The following STK32B variants were observed in gnomAD, a reference collection of about 807,000 sequenced individuals.
STK32B encodes serine/threonine-protein kinase 32B.
STK32B carries 43 observed loss-of-function variants against 52.6 expected under a neutral mutation model. The ratio of observed to expected loss-of-function variants is 0.82; its 90% CI spans 0.64 to 1.05. The LOEUF is 1.05. Among genes scored for constraint, STK32B ranks in the 50% least tolerant of loss-of-function variants. The pLI is 0.00. For synonymous variants in STK32B, 238 were observed against 204.3 expected (o/e 1.17, Z -1.41); for missense variants, 621 against 534.6 (o/e 1.16, Z -1.59).
At chr4:5,127,680 G>C (rs1383746334) in intron 1 of STK32B, among the ~76,000 whole-genome samples, 1 of 152,176 alleles carries the variant, frequency 6.6e-6, no homozygotes, top group African/African-American at 2.4e-5. Context: ...GGCCATGTGA[G>C]GACAGAGGCA....
chr4:5,167,413 T>C (rs1228040884), intron 2 of STK32B, among the ~76,000 whole-genome samples: 2 of 152,082 alleles, frequency 1.3e-5, no homozygotes, highest in African/African-American at 4.8e-5. Flanking sequence ...AGTAAAGTGC[T>C]CAATACAGGA....
intron 6 of STK32B, among the ~76,000 whole-genome samples, chr4:5,424,005 C>T (rs2526313): frequency 0.6 from 91,292 of 151,894 alleles, 28,624 homozygotes; most frequent in Middle Eastern, 0.77. Context: ...GGAAACCCCA[C>T]TCCCCCCGTA....
chr4:5,303,354 G>T (rs936797350), intron 3 of STK32B, among the ~76,000 whole-genome samples: 3 of 151,868 alleles, frequency 2.0e-5, no homozygotes, highest in South Asian at 4.2e-4. Context: ...ATTATTTTTT[G>T]ATTTTTTGAT....
intron 3 of STK32B, among the ~76,000 whole-genome samples, chr4:5,287,467 G>A (rs1201687330): frequency 2.0e-5 from 3 of 148,882 alleles, no homozygotes. Context: ...AGTTTAAGTC[G>A]ATGAATATAA....
chr4:5,173,639 T>G (rs908380194), intron 3 of STK32B, among the ~76,000 whole-genome samples: 1 of 152,242 alleles, frequency 6.6e-6, no homozygotes, highest in African/African-American at 2.4e-5. Context: ...AATCCTGAGT[T>G]CTAGTTTGAT....
intron 1 of STK32B, among the ~76,000 whole-genome samples, chr4:5,112,301 G>C (rs929635245): frequency 6.6e-6 from 1 of 152,128 alleles, no homozygotes; most frequent in South Asian, 2.1e-4. Context: ...TATAAAAAGA[G>C]ATTTATTATA....
chr4:5,485,495 T>G (rs1719085414), intron 11 of STK32B, among the ~76,000 whole-genome samples: 1 of 152,176 alleles, frequency 6.6e-6, no homozygotes, highest in African/African-American at 2.4e-5. Context: ...TCGTCTAATT[T>G]TTTTCAAGGT....
At chr4:5,055,849 A>G (rs185174898) in intron 1 of STK32B, among the ~76,000 whole-genome samples, 1 of 148,752 alleles carries the variant, frequency 6.7e-6, no homozygotes, top group East Asian at 2.1e-4. Context: ...TGTCATTCCA[A>G]ATCCTTTTCC....
At chr4:5,155,135 T>A in intron 2 of STK32B, among the ~76,000 whole-genome samples, 1 of 152,108 alleles carries the variant, frequency 6.6e-6, no homozygotes, top group East Asian at 1.9e-4. Flanking sequence ...CAGTCACCTT[T>A]CCCCCAGGTG....
chr4:5,331,078 C>T (rs1243643557), intron 3 of STK32B, 142 bp from the exon 4 acceptor site: 1 of 682,614 alleles, frequency 1.5e-6, no homozygotes, highest in Non-Finnish European at 2.3e-6. Flanking sequence ...CCCTTCCCCT[C>T]CACTCCCATA....
At chr4:5,290,183 C>G (rs182563261) in intron 3 of STK32B, among the ~76,000 whole-genome samples, 281 of 152,280 alleles carry the variant, frequency 1.8e-3, no homozygotes, top group African/African-American at 6.3e-3. Flanking sequence ...TCTTCCAAGG[C>G]TCACCTTGCT....
intron 9 of STK32B, among the ~76,000 whole-genome samples, chr4:5,461,839 G>A (rs1261518734): frequency 6.6e-6 from 1 of 152,208 alleles, no homozygotes; most frequent in Non-Finnish European, 1.5e-5. Flanking sequence ...TAACCTTAGG[G>A]AATCTGCCCG....
chr4:5,455,766 C>T (rs567388320), intron 7 of STK32B, among the ~76,000 whole-genome samples: 2 of 152,286 alleles, frequency 1.3e-5, no homozygotes, highest in East Asian at 3.9e-4. Flanking sequence ...CCCGAGAACA[C>T]AGAAATGAGC....
chr4:5,427,162 G>C (rs546862843), intron 6 of STK32B, among the ~76,000 whole-genome samples: 1 of 152,144 alleles, frequency 6.6e-6, no homozygotes, highest in Non-Finnish European at 1.5e-5. Context: ...ATAATCCTGT[G>C]GTTTCTCTTC....
At chr4:5,428,510 GA>G (rs1304029825) in intron 6 of STK32B, among the ~76,000 whole-genome samples, 2 of 152,170 alleles carry the variant, frequency 1.3e-5, no homozygotes, top group East Asian at 3.9e-4. Flanking sequence ...CATGATCAGA[GA>G]AAATATTTTG....
rs1344028655 is a variant in STK32B at position 5,380,386 on chromosome 4, C to T, written c.435-17821C>T. Among the ~76,000 whole-genome samples, 1 of 152,138 alleles carries T rather than the reference C, an allele frequency of 6.6e-6. No homozygotes were observed. Among genetic ancestry groups the T allele is most frequent in the East Asian group, 1.9e-4 (1 of 5,190 alleles). The stretch of plus-strand genomic sequence containing the variant: ...CCAGGCTTCTGCATTTAAAATTATA[C>T]TATGAAATAGAAGAGCATTACTCTG... On this transcript the variant is annotated intron_variant, in intron 4 of 11. Coordinates refer to ENST00000282908, the MANE Select transcript of STK32B (RefSeq NM_018401.3). This position sits in a 1 kb window ranked among gnomAD's most constrained non-coding sequence, Gnocchi z 4.3.
In STK32B at chr4:5,338,656, T is replaced by G. The variant is rs142213556; in HGVS notation, c.434+7263T>G. On this transcript the variant is annotated intron_variant, in intron 4 of 11. Transcript: ENST00000282908. ...TGAACAAGGCAGGAAATGGAACCAT[T>G]GTGTGACAGCATGGCTGGCTGGAGC... 3.4e-3 allele frequency among the ~76,000 whole-genome samples: 524 copies of G among 152,310 alleles called. 2 individuals are homozygous for G. Among genetic ancestry groups the G allele is most frequent in the African/African-American group, 0.012 (498 of 41,568 alleles).
At chr4:5,180,727 C>G (rs1044035316) in intron 3 of STK32B, among the ~76,000 whole-genome samples, 1 of 152,168 alleles carries the variant, frequency 6.6e-6, no homozygotes, top group Non-Finnish European at 1.5e-5. Flanking sequence ...TTATTGCAGC[C>G]TTGGAAACCC....
At chr4:5,341,517 A>G (rs528577939) in intron 4 of STK32B, among the ~76,000 whole-genome samples, 3 of 152,170 alleles carry the variant, frequency 2.0e-5, no homozygotes, top group African/African-American at 7.2e-5. Flanking sequence ...CATTTTGTCT[A>G]CTTTCTTCCT....
Sources: gnomAD v4.1 joint callset for allele counts (sites outside exome capture counted in the v4.1 genomes callset) on GRCh38, gnomAD v4.1.1 for gene constraint, Gnocchi (gnomAD v3.1) non-coding constraint, MANE v1.5 for transcripts, NCBI Gene and HGNC (gene_info 2026-07-23, HGNC 2026-07-21) for gene names.